The following BACE2 variants were observed in gnomAD, a reference collection of about 807,000 sequenced individuals.
BACE2 encodes 56 kDa aspartic-like protease.
A neutral mutation model predicts 46.2 loss-of-function variants in BACE2; 17 were observed. That is an observed-to-expected ratio of 0.37 (90% CI 0.25 to 0.55). The LOEUF is 0.55. Ranked by LOEUF, BACE2 falls within the 20% of genes least tolerant of loss-of-function variation. The pLI is 0.82. For missense variants in BACE2, 595 were observed against 698.1 expected, an observed-to-expected ratio of 0.85 and a Z score of 1.66; for synonymous variants, 277 against 295.9, an observed-to-expected ratio of 0.94 and a Z score of 0.66.
chr21:41,186,274 G>A (rs997823709), intron 1 of BACE2: 4 of 152,262 alleles, frequency 2.6e-5, no homozygotes, highest in Non-Finnish European at 5.9e-5. Flanking sequence ...GGGCTGGCTC[G>A]TTAGAGCAGT....
intron 1 of BACE2, among the ~76,000 whole-genome samples, chr21:41,205,337 A>T (rs1555851449): frequency 6.6e-6 from 1 of 152,226 alleles, no homozygotes; most frequent in Non-Finnish European, 1.5e-5. Context: ...AACCTTAATC[A>T]ATATTTTATA....
Position 41,257,183 on chromosome 21 carries a change from C to T in BACE2, c.1160C>T (p.Ala387Val), listed in dbSNP as rs530200672. 1.9e-5 allele frequency: 31 copies of T among 1,614,062 alleles called. No individual in the cohort carries two copies. The highest frequency in any genetic ancestry group is 2.5e-5 in the Non-Finnish European group (29 of 1,180,042). ...CTTTACATTCAGCCCATGATGGGGG[C>T]CGGCCTGAATTATGAATGTTACCGA... is the stretch of plus-strand genomic sequence containing the variant. ...PQLYIQPMMG[A>V]GLNYECYRFG... Residue 387 changes from alanine (A) to valine (V), a missense_variant, in exon 8 of 9, where the codon GCC becomes GTC. Coordinates refer to ENST00000330333, the MANE Select transcript of BACE2 (RefSeq NM_012105.5).
At chr21:41,185,741 C>G (rs757746760) in intron 1 of BACE2, among the ~76,000 whole-genome samples, 1 of 152,180 alleles carries the variant, frequency 6.6e-6, no homozygotes, top group Non-Finnish European at 1.5e-5. Context: ...ATGCCCTCGC[C>G]AAAGCAGCTG....
chr21:41,242,466 G>A (rs575345545), intron 4 of BACE2, among the ~76,000 whole-genome samples: 5 of 152,222 alleles, frequency 3.3e-5, no homozygotes, highest in East Asian at 3.9e-4. Context: ...TCCAGGGGCC[G>A]GCACCCAGAC....
intron 1 of BACE2, chr21:41,176,851 AG>A (rs1984866443): frequency 1.3e-5 from 2 of 152,296 alleles, no homozygotes; most frequent in Admixed American, 6.5e-5. Context: ...AAAGTGAAAA[AG>A]ACATACAAAA....
chr21:41,221,644 T>C (rs1439202428), intron 1 of BACE2, among the ~76,000 whole-genome samples: 3 of 151,786 alleles, frequency 2.0e-5, no homozygotes, highest in African/African-American at 7.3e-5. Context: ...GCTAACACGG[T>C]GAAACCCCGT....
intron 1 of BACE2, among the ~76,000 whole-genome samples, chr21:41,196,508 C>T (rs1456031018): frequency 2.6e-5 from 4 of 152,116 alleles, no homozygotes; most frequent in African/African-American, 7.2e-5. Flanking sequence ...TCTACACCAT[C>T]GAACATGATA....
At chr21:41,213,027 G>A (rs1419168590) in intron 1 of BACE2, among the ~76,000 whole-genome samples, 2 of 152,216 alleles carry the variant, frequency 1.3e-5, no homozygotes, top group African/African-American at 4.8e-5. Context: ...TGGCAGGTTT[G>A]TTGACCTAAT....
chr21:41,168,471 T>C lies in BACE2; in HGVS notation c.208T>C (p.Ser70Pro). 2 of 1,331,990 alleles carry C rather than the reference T, an allele frequency of 1.5e-6. No individual in the cohort carries two copies. Among genetic ancestry groups the C allele is most frequent in the Non-Finnish European group, 1.9e-6 (2 of 1,034,240 alleles). The allele number at this position is 1,331,990 out of a possible 1,614,324, so 82.5% of individuals were successfully genotyped here. Residue 70 changes from serine to proline, a missense_variant, in exon 1 of 9, where the codon TCC becomes CCC. Ser to Pro is a moderately conservative substitution (Grantham distance 74). This residue lies in a region of BACE2 where 248 missense variants were observed against 261.4 expected (regional missense o/e 0.95). Coordinates refer to ENST00000330333, the MANE Select transcript of BACE2 (RefSeq NM_012105.5). ...LALALEPALA[S>P]PAGAANFLAM... ...GCTCGCCCTGGAGCCTGCCCTGGCG[T>C]CCCCCGCGGGCGCCGCCAACTTCTT...
intron 6 of BACE2, among the ~76,000 whole-genome samples, chr21:41,247,297 C>T (rs1987499009): frequency 6.6e-6 from 1 of 152,084 alleles, no homozygotes; most frequent in African/African-American, 2.4e-5. Context: ...CAGGAAAGGA[C>T]GCGGGCTCTT....
At chr21:41,266,717 T>C (rs1013606888) in intron 8 of BACE2, among the ~76,000 whole-genome samples, 1 of 152,244 alleles carries the variant, frequency 6.6e-6, no homozygotes, top group Non-Finnish European at 1.5e-5. Flanking sequence ...CAGTGCCTAC[T>C]TCCTTGGTGC....
chr21:41,255,036 G>T (rs1403692263), intron 7 of BACE2, among the ~76,000 whole-genome samples: 1 of 152,214 alleles, frequency 6.6e-6, no homozygotes, highest in Admixed American at 6.5e-5. Context: ...AGGCTCACAA[G>T]GGTCTGGTTA....
chr21:41,239,044 G>C (rs988747631), intron 3 of BACE2, among the ~76,000 whole-genome samples: 1 of 151,178 alleles, frequency 6.6e-6, no homozygotes, highest in African/African-American at 2.4e-5. Context: ...GCCTCACCTT[G>C]CTCAGCGTTA....
intron 6 of BACE2, among the ~76,000 whole-genome samples, chr21:41,249,857 C>T (rs1034004374): frequency 1.3e-5 from 2 of 152,238 alleles, no homozygotes. Context: ...GTGTCGTTAA[C>T]TTGCCATCTC....
intron 8 of BACE2, among the ~76,000 whole-genome samples, chr21:41,273,036 G>A (rs1479608023): frequency 6.6e-6 from 1 of 152,188 alleles, no homozygotes; most frequent in Non-Finnish European, 1.5e-5. Flanking sequence ...TCACATGTCG[G>A]CAGGTTCGTG....
At chr21:41,256,246 C>G (rs547213140) in intron 7 of BACE2, among the ~76,000 whole-genome samples, 2 of 152,298 alleles carry the variant, frequency 1.3e-5, no homozygotes, top group South Asian at 4.1e-4. Context: ...CCCTAGCCCT[C>G]TACCCCCTGA....
chr21:41,255,206 C>T (rs776414843), intron 7 of BACE2, among the ~76,000 whole-genome samples: 3 of 152,108 alleles, frequency 2.0e-5, no homozygotes, highest in Non-Finnish European at 2.9e-5. Flanking sequence ...CGGGAAATGC[C>T]GATTGAGAGG....
chr21:41,229,113 G>A (rs1482871892), intron 2 of BACE2, among the ~76,000 whole-genome samples: 1 of 152,124 alleles, frequency 6.6e-6, no homozygotes, highest in African/African-American at 2.4e-5. Flanking sequence ...CTTCCCCTAG[G>A]GGACAGGACC....
rs1430864102 is a variant in BACE2 at position 41,270,928 on chromosome 21, T to G, written c.1304-4443T>G. Reference sequence around the variant, plus strand: ...GGAATCTCTGACTATATTTGTGGATTTGTCTATTTCTCTTTGCATTTTCAT... The same window carrying G: ...GGAATCTCTGACTATATTTGTGGATGTGTCTATTTCTCTTTGCATTTTCAT... On this transcript the variant is annotated intron_variant, in intron 8 of 8. Transcript: ENST00000330333. 2.0e-5 allele frequency among the ~76,000 whole-genome samples: 3 copies of G among 152,232 alleles called. No homozygotes were observed. In the East Asian group the frequency reaches 5.8e-4, roughly 29 times the overall value.
Sources: gnomAD v4.1 joint callset for allele counts (sites outside exome capture counted in the v4.1 genomes callset) on GRCh38, gnomAD v4.1.1 for gene constraint, gnomAD v4.1.1 regional missense constraint, MANE v1.5 for transcripts, NCBI Gene and HGNC (gene_info 2026-07-23, HGNC 2026-07-21) for gene names.